Variants in FILIP1L observed in about 807,000 individuals in gnomAD.
FILIP1L encodes filamin A interacting protein 1 like, also known as filamin A-interacting protein 1-like.
FILIP1L carries 55 observed loss-of-function variants against 96.6 expected under a neutral mutation model. That is an observed-to-expected ratio of 0.57 (90% CI 0.46 to 0.71). The LOEUF (loss-of-function observed/expected upper bound fraction) is 0.71. Among genes scored for constraint, FILIP1L ranks in the 30% least tolerant of loss-of-function variants. FILIP1L has a pLI of 0.00. For synonymous variants in FILIP1L, 467 were observed against 473.9 expected (o/e 0.99, Z 0.19); for missense variants, 1,304 against 1,321.2 (o/e 0.99, Z 0.20).
intron 2 of FILIP1L, 104 bp from the exon 3 acceptor site, chr3:99,930,133 T>A: frequency 1.1e-6 from 1 of 893,476 alleles, no homozygotes; most frequent in Non-Finnish European, 1.7e-6. Flanking sequence ...CTTTCAAATC[T>A]AAATGAATCA....
At chr3:99,884,142 C>T (rs1359517583) in intron 4 of FILIP1L, among the ~76,000 whole-genome samples, 3 of 152,118 alleles carry the variant, frequency 2.0e-5, no homozygotes, top group Non-Finnish European at 4.4e-5. Context: ...GTGCAGTAGC[C>T]TGTTCAGGGA....
At chr3:99,986,501 A>G (rs894847151) in intron 1 of FILIP1L, among the ~76,000 whole-genome samples, 4 of 152,222 alleles carry the variant, frequency 2.6e-5, no homozygotes, top group Non-Finnish European at 4.4e-5. Context: ...AGTGAAAGAA[A>G]TAGACGAGAA....
intron 1 of FILIP1L, among the ~76,000 whole-genome samples, chr3:99,996,809 A>G (rs915259742): frequency 2.6e-5 from 4 of 151,918 alleles, no homozygotes; most frequent in African/African-American, 9.7e-5. Context: ...GATTCAAATT[A>G]TCTCCCACCG....
At chr3:99,966,192 A>T (rs182665444) in intron 1 of FILIP1L, among the ~76,000 whole-genome samples, 21 of 152,288 alleles carry the variant, frequency 1.4e-4, no homozygotes, top group Admixed American at 2.6e-4. Flanking sequence ...TTGTTTCTTA[A>T]CTTGGGAGGA....
chr3:99,983,428 G>GTA (rs1553702729), intron 1 of FILIP1L, among the ~76,000 whole-genome samples: 1,511 of 46,858 alleles, frequency 0.032, 73 homozygotes, highest in Non-Finnish European at 0.041. Context: ...ATGTATGTAT[G>GTA]TATGTATATA....
At chr3:99,879,384 T>C (rs1426066477) in intron 4 of FILIP1L, among the ~76,000 whole-genome samples, 1 of 152,188 alleles carries the variant, frequency 6.6e-6, no homozygotes, top group African/African-American at 2.4e-5. Flanking sequence ...ACAGGTGTTA[T>C]TAGTGAAGTC....
chr3:100,033,729 A>C (rs1033007057), intron 1 of FILIP1L, among the ~76,000 whole-genome samples: 1 of 152,188 alleles, frequency 6.6e-6, no homozygotes, highest in Non-Finnish European at 1.5e-5. Context: ...AAAAAACCTG[A>C]TATATTGAAA....
Position 100,021,960 on chromosome 3 carries a change from TGAGA to T in FILIP1L, c.-10-90934_-10-90931del, listed in dbSNP as rs61630053. Among the ~76,000 whole-genome samples the T allele has an allele frequency of 8.2e-3, 765 of 93,102 alleles. 8 individuals carry two copies. The highest frequency in any genetic ancestry group is 0.025 in the African/African-American group (613 of 24,696). 61.1% of individuals were successfully genotyped at this position (93,102 alleles called of 152,430 possible). A position where few individuals can be genotyped will look rare whatever the true frequency, so the allele number is the denominator to read the frequency against. On this transcript the variant is annotated intron_variant, in intron 1 of 5. Coordinates refer to ENST00000477258, the MANE Select transcript of FILIP1L (RefSeq NM_001387850.1). ...GTGTGTGTGTGTGTGTGTGTGTGTG[TGAGA>T]GAGAGAGAGAGAGAGAGAGAGAGAG...
chr3:99,980,457 G>C (rs1220482910), intron 1 of FILIP1L, among the ~76,000 whole-genome samples: 1 of 152,138 alleles, frequency 6.6e-6, no homozygotes, highest in Non-Finnish European at 1.5e-5. Flanking sequence ...CTCATAACCA[G>C]CACATTTTTA....
intron 1 of FILIP1L, among the ~76,000 whole-genome samples, chr3:99,962,923 G>A (rs924737052): frequency 1.6e-4 from 25 of 152,292 alleles, no homozygotes; most frequent in South Asian, 6.2e-4. Flanking sequence ...GTTCATGGCC[G>A]AGATAAATAA....
At chr3:99,918,656 G>C (rs1707030302) in intron 4 of FILIP1L, among the ~76,000 whole-genome samples, 1 of 152,036 alleles carries the variant, frequency 6.6e-6, no homozygotes, top group South Asian at 2.1e-4. Context: ...TCTGTTGAAA[G>C]TTAAGTCATG....
rs753357764 is a variant in FILIP1L at position 99,929,922 on chromosome 3, C to T, written c.360G>A (p.Gln120=). 5 of 1,613,780 alleles carry T rather than the reference C, an allele frequency of 3.1e-6. No homozygotes were observed. The African/African-American group carries it at 5.3e-5, about 17-fold the overall frequency. Residue 120 remains glutamine, a synonymous_variant, in exon 3 of 6, where the codon CAG becomes CAA. Coordinates refer to ENST00000477258, the MANE Select transcript of FILIP1L (RefSeq NM_001387850.1). ...VTPKKVLEAL[Q]RDAFQAKSTP... ...TAGATTTCGCTTGAAAAGCATCTCT[C>T]TGGAGAGCCTCTAACACCTTTTTTG...
chr3:99,920,696 C>T (rs993375930), intron 4 of FILIP1L, among the ~76,000 whole-genome samples: 1 of 150,980 alleles, frequency 6.6e-6, no homozygotes, highest in Admixed American at 6.6e-5. Context: ...CAATTGCTTA[C>T]TGATTACGAC....
intron 3 of FILIP1L, among the ~76,000 whole-genome samples, chr3:99,928,564 A>G (rs563195816): frequency 6.6e-6 from 1 of 152,218 alleles, no homozygotes; most frequent in Non-Finnish European, 1.5e-5. Context: ...GGGTATTTCC[A>G]ATTTTGCATG....
chr3:99,984,060 T>TTG (rs1345429258), intron 1 of FILIP1L, among the ~76,000 whole-genome samples: 2 of 25,024 alleles, frequency 8.0e-5, no homozygotes, highest in South Asian at 1.4e-3. Context: ...GTATGTGTGT[T>TTG]TGTGTGTGTG....
At chr3:99,892,256 A>C (rs1706106532) in intron 4 of FILIP1L, among the ~76,000 whole-genome samples, 1 of 152,218 alleles carries the variant, frequency 6.6e-6, no homozygotes, top group African/African-American at 2.4e-5. Context: ...AGAACCATGT[A>C]ATGTGAGGGC....
chr3:99,835,113 T>G (rs1942843177), intron 5 of FILIP1L, among the ~76,000 whole-genome samples: 1 of 152,234 alleles, frequency 6.6e-6, no homozygotes, highest in Non-Finnish European at 1.5e-5. Flanking sequence ...TCCTGCTTTA[T>G]CTCTCAACTT....
At chr3:100,086,625 T>C (rs1262446931) in intron 1 of FILIP1L, among the ~76,000 whole-genome samples, 1 of 152,222 alleles carries the variant, frequency 6.6e-6, no homozygotes, top group African/African-American at 2.4e-5. Flanking sequence ...CTATGAATCA[T>C]TGCAGCAATT....
At chr3:99,924,154 T>C (rs920709887) in intron 4 of FILIP1L, 76 bp downstream of exon 4, 25 of 1,199,610 alleles carry the variant, frequency 2.1e-5, no homozygotes, top group Non-Finnish European at 2.6e-5. Context: ...TATTTATCTT[T>C]GTATCCCTGA....
Sources: allele counts gnomAD v4.1 joint callset (sites outside exome capture counted in the v4.1 genomes callset), GRCh38; gene constraint gnomAD v4.1.1; transcripts MANE v1.5; gene names NCBI Gene and HGNC (gene_info 2026-07-23, HGNC 2026-07-21).